Variants in CTCF observed in about 807,000 individuals in gnomAD.
The protein encoded by CTCF is CCCTC-binding factor.
A neutral mutation model predicts 72.3 loss-of-function variants in CTCF; 7 were observed. The ratio of observed to expected loss-of-function variants is 0.10; its 90% CI spans 0.06 to 0.18. The LOEUF is 0.18. CTCF is among the 10% of genes least tolerant of loss of function. The pLI, the probability that CTCF is intolerant of heterozygous loss-of-function variation, is 1.00. For missense variants in CTCF, 516 were observed against 949.1 expected (o/e 0.54, Z 6.00); for synonymous variants, 374 against 315.8 (o/e 1.18, Z -1.95).
At chr16:67,596,188 G>A (rs928054947) in intron 2 of CTCF, among the ~76,000 whole-genome samples, 5 of 152,056 alleles carry the variant, frequency 3.3e-5, no homozygotes, top group African/African-American at 1.2e-4. Context: ...TCCTGACCTC[G>A]TGATCTGCCC....
rs577901796 is a variant in CTCF, at chr16:67,584,789, C to T, written c.-10+13525C>T. The stretch of plus-strand genomic sequence containing the variant: ...CATTTTACAGATAAGAAAACTAAGA[C>T]GCAAAGTGATTCACCTAAGGTCATG... On this transcript the variant is annotated intron_variant, in intron 2 of 11. Coordinates refer to ENST00000264010, the MANE Select transcript of CTCF (RefSeq NM_006565.4). Among the ~76,000 whole-genome samples, 3 of 152,106 alleles carry T rather than the reference C, an allele frequency of 2.0e-5. 1 individual carries two copies. Among genetic ancestry groups the T allele is most frequent in the South Asian group, 4.1e-4 (2 of 4,828 alleles).
intron 2 of CTCF, among the ~76,000 whole-genome samples, chr16:67,582,535 A>G (rs922024679): frequency 6.6e-6 from 1 of 151,996 alleles, no homozygotes; most frequent in Non-Finnish European, 1.5e-5. Context: ...TCTACTAAAA[A>G]TATAAAAATC....
intron 2 of CTCF, among the ~76,000 whole-genome samples, chr16:67,583,648 T>C (rs1391241017): frequency 6.6e-6 from 1 of 151,800 alleles, no homozygotes; most frequent in African/African-American, 2.4e-5. Context: ...GATTGCTCCA[T>C]TGCACTCCAG....
chr16:67,620,888 A>G, intron 6 of CTCF, 71 bp downstream of exon 6: 3 of 1,301,860 alleles, frequency 2.3e-6, no homozygotes, highest in Middle Eastern at 2.0e-4. Context: ...CCTGTGGACC[A>G]CTGTGTGTCC....
At chr16:67,575,489 G>T (rs1460912475) in intron 2 of CTCF, among the ~76,000 whole-genome samples, 1 of 152,042 alleles carries the variant, frequency 6.6e-6, no homozygotes, top group Non-Finnish European at 1.5e-5. Flanking sequence ...TCTGTCGCCA[G>T]GCTGGAGTGC....
rs1168963032 is a variant in CTCF at position 67,620,834 on chromosome 16, C to G, written c.1207+17C>G. Reference sequence around the variant, plus strand: ...CCCATTCAGGTAGGACTTCTCCACTCCTTACTGTATTAATGAGCTTCTTTT... The same window carrying G: ...CCCATTCAGGTAGGACTTCTCCACTGCTTACTGTATTAATGAGCTTCTTTT... On this transcript the variant is annotated intron_variant, in intron 6 of 11. Coordinates refer to ENST00000264010, the MANE Select transcript of CTCF (RefSeq NM_006565.4). The G allele has an allele frequency of 1.9e-6, 3 of 1,562,184 alleles. No homozygotes were observed. Among genetic ancestry groups the G allele is most frequent in the East Asian group, 2.3e-5 (1 of 43,978 alleles).
intron 7 of CTCF, among the ~76,000 whole-genome samples, chr16:67,622,114 T>A (rs769745742): frequency 4.6e-5 from 7 of 152,140 alleles, no homozygotes; most frequent in Non-Finnish European, 1.0e-4. Flanking sequence ...CCCAGCACTT[T>A]GGGAGGCCAA....
chr16:67,601,678 C>T (rs1338860235), intron 2 of CTCF, among the ~76,000 whole-genome samples: 2 of 151,926 alleles, frequency 1.3e-5, no homozygotes, highest in Admixed American at 6.6e-5. Flanking sequence ...TGCTTTAAGA[C>T]CGAGTAGATG....
At position 67,636,831 on chromosome 16, in the gene CTCF, A is replaced by T. The variant is rs760844642; in HGVS notation, c.1979A>T (p.Asn660Ile). 1.3e-6 allele frequency: 2 copies of T among 1,595,878 alleles called. No individual in the cohort carries two copies. The highest frequency in any genetic ancestry group is 1.7e-6 in the Non-Finnish European group (2 of 1,170,914). Residue 660 changes from asparagine to isoleucine, a missense_variant, in exon 11 of 12, where the codon AAC becomes ATC. Coordinates refer to ENST00000264010, the MANE Select transcript of CTCF (RefSeq NM_006565.4). The part of the protein sequence containing the change: ...KRRGRPPGRT[N>I]QPKQNQPTAI... ...AGAGGACGACCCCCTGGCAGAACCA[A>T]CCAGCCCAAACAGAACCAGCGTAAG... is the stretch of plus-strand genomic sequence containing the variant.
intron 10 of CTCF, among the ~76,000 whole-genome samples, chr16:67,631,229 G>A (rs1330934156): frequency 1.4e-5 from 2 of 147,852 alleles, no homozygotes; most frequent in African/African-American, 5.1e-5. Flanking sequence ...GCAGTAGTGC[G>A]ATCTCTGCTC....
At chr16:67,587,899 C>T (rs1329272493) in intron 2 of CTCF, among the ~76,000 whole-genome samples, 1 of 151,974 alleles carries the variant, frequency 6.6e-6, no homozygotes, top group African/African-American at 2.4e-5. Context: ...ACAGAGTCAC[C>T]CAGGCTGGGA....
intron 1 of CTCF, among the ~76,000 whole-genome samples, chr16:67,566,345 AAC>A (rs1567588195): frequency 2.0e-5 from 3 of 151,322 alleles, no homozygotes; most frequent in Admixed American, 2.0e-4. Context: ...CTTTACCAAA[AAC>A]ACAAAAATTA....
intron 2 of CTCF, among the ~76,000 whole-genome samples, chr16:67,603,339 C>CA (rs2051922776): frequency 6.6e-6 from 1 of 151,840 alleles, no homozygotes; most frequent in Non-Finnish European, 1.5e-5. Flanking sequence ...ACCATCCTGC[C>CA]TAACATGGTG....
chr16:67,622,960 C>T (rs1362862373), intron 7 of CTCF, among the ~76,000 whole-genome samples: 1 of 147,284 alleles, frequency 6.8e-6, no homozygotes, highest in Non-Finnish European at 1.5e-5. Context: ...CCGCGCCCAG[C>T]CCTCACTTGC....
chr16:67,631,367 G>T (rs1432400527), intron 10 of CTCF, among the ~76,000 whole-genome samples: 1 of 151,948 alleles, frequency 6.6e-6, no homozygotes, highest in African/African-American at 2.4e-5. Flanking sequence ...GTTTCACCAT[G>T]TTGGCCAGGC....
intron 10 of CTCF, among the ~76,000 whole-genome samples, chr16:67,635,350 G>C (rs749915324): frequency 9.9e-5 from 15 of 151,062 alleles, no homozygotes; most frequent in South Asian, 6.3e-4. Context: ...TTTTAAAGTA[G>C]AGACGGGGTT....
intron 5 of CTCF, among the ~76,000 whole-genome samples, chr16:67,618,359 A>G (rs1486301345): frequency 6.6e-6 from 1 of 152,154 alleles, no homozygotes; most frequent in Non-Finnish European, 1.5e-5. Context: ...GCAAGATCGC[A>G]CCACTGCACT....
At chr16:67,580,295 G>T (rs1161509856) in intron 2 of CTCF, among the ~76,000 whole-genome samples, 1 of 152,044 alleles carries the variant, frequency 6.6e-6, no homozygotes, top group Non-Finnish European at 1.5e-5. Flanking sequence ...CTATAACCTT[G>T]AACTCCTGGC....
intron 9 of CTCF, among the ~76,000 whole-genome samples, chr16:67,628,973 A>AC (rs2052327110): frequency 6.6e-6 from 1 of 151,318 alleles, no homozygotes; most frequent in Non-Finnish European, 1.5e-5. Context: ...GATGGCGTGT[A>AC]CCCGGGAGGC....
Sources: gnomAD v4.1 joint callset for allele counts (sites outside exome capture counted in the v4.1 genomes callset) on GRCh38, gnomAD v4.1.1 for gene constraint, MANE v1.5 for transcripts, NCBI Gene and HGNC (gene_info 2026-07-23, HGNC 2026-07-21) for gene names.